MAP7: variants seen among roughly 807,000 people sequenced by gnomAD.
The protein encoded by MAP7 is ensconsin.
A neutral mutation model predicts 94.8 loss-of-function variants in MAP7; 52 were observed. The ratio of observed to expected loss-of-function variants is 0.55; its 90% CI spans 0.44 to 0.69. The LOEUF is 0.69. Among genes scored for constraint, MAP7 ranks in the 30% least tolerant of loss-of-function variants. The probability of loss-of-function intolerance (pLI) is 0.00; values close to 1 mark genes in which losing one functional copy is unlikely to be tolerated. For missense variants in MAP7, 940 were observed against 964.6 expected (o/e 0.97, Z 0.34); for synonymous variants, 350 against 357.0 (o/e 0.98, Z 0.22).
At chr6:136,420,358 G>A (rs1790916974) in intron 2 of MAP7, 4 of 631,466 alleles carry the variant, frequency 6.3e-6, no homozygotes, top group Non-Finnish European at 1.1e-5. Flanking sequence ...CGGCCGCGAA[G>A]TGGGCCATAA....
chr6:136,540,758 T>G (rs989871147), intron 1 of MAP7, among the ~76,000 whole-genome samples: 8 of 152,202 alleles, frequency 5.3e-5, no homozygotes, highest in African/African-American at 1.9e-4. Context: ...CAGCACTGAT[T>G]GCACACCAGA....
intron 3 of MAP7, among the ~76,000 whole-genome samples, chr6:136,394,598 T>C (rs1036973895): frequency 2.0e-5 from 3 of 152,008 alleles, no homozygotes; most frequent in African/African-American, 7.2e-5. Flanking sequence ...TCTTCTCTTA[T>C]AGATATATCA....
chr6:136,427,197 G>A (rs1793430882), intron 1 of MAP7, among the ~76,000 whole-genome samples: 1 of 152,184 alleles, frequency 6.6e-6, no homozygotes, highest in Admixed American at 6.5e-5. Context: ...AGCTCACGCA[G>A]CACTATATAG....
chr6:136,387,802 A>G (rs1779585465), intron 5 of MAP7, among the ~76,000 whole-genome samples: 1 of 152,252 alleles, frequency 6.6e-6, no homozygotes, highest in Admixed American at 6.5e-5. Context: ...CTGACACACT[A>G]TGTAAAATTC....
intron 1 of MAP7, among the ~76,000 whole-genome samples, chr6:136,519,028 C>T (rs1825665308): frequency 6.6e-6 from 1 of 152,152 alleles, no homozygotes; most frequent in African/African-American, 2.4e-5. Flanking sequence ...AATCATGTTC[C>T]TCTTGTACAC....
intron 1 of MAP7, among the ~76,000 whole-genome samples, chr6:136,443,079 T>C (rs1327047111): frequency 2.6e-5 from 4 of 152,212 alleles, no homozygotes; most frequent in Non-Finnish European, 5.9e-5. Flanking sequence ...CCTAGAATTA[T>C]ATGTGCTCCT....
intron 16 of MAP7, among the ~76,000 whole-genome samples, chr6:136,354,825 C>T (rs1459932238): frequency 1.3e-5 from 2 of 152,120 alleles, no homozygotes; most frequent in Admixed American, 6.6e-5. Flanking sequence ...AATTATTTTT[C>T]AGGTTCTTAT....
chr6:136,425,640 C>T (rs1792922979), intron 1 of MAP7, among the ~76,000 whole-genome samples: 1 of 152,004 alleles, frequency 6.6e-6, no homozygotes, highest in African/African-American at 2.4e-5. Context: ...ACACTCGAAT[C>T]ATAGGTATGA....
In MAP7 at chr6:136,343,092, A is replaced by G. The variant is rs1420595169; in HGVS notation, c.*1136T>C. The G allele has an allele frequency of 2.6e-5, 4 of 152,672 alleles. No homozygotes were observed. Among genetic ancestry groups the G allele is most frequent in the Admixed American group, 6.5e-5 (1 of 15,284 alleles). 9.5% of individuals were successfully genotyped at this position (152,672 alleles called of 1,614,324 possible). A position where few individuals can be genotyped will look rare whatever the true frequency, so the allele number is the denominator to read the frequency against. ...CATTTAATCATTAGTAGTCTCTAAA[A>G]TGGTAAAATAAAACTGAATTTATAT... On this transcript the variant is annotated 3_prime_UTR_variant, in exon 18 of 18. Transcript: ENST00000354570.
chr6:136,460,783 T>A (rs987978553), intron 1 of MAP7, among the ~76,000 whole-genome samples: 1 of 152,124 alleles, frequency 6.6e-6, no homozygotes, highest in African/African-American at 2.4e-5. Flanking sequence ...TGAAGCAACA[T>A]CCAAGGTGCA....
intron 4 of MAP7, 131 bp downstream of exon 4, chr6:136,389,223 C>A: frequency 7.3e-7 from 1 of 1,379,170 alleles, no homozygotes; most frequent in Admixed American, 2.8e-5. Context: ...GAAACTGTAG[C>A]CATCTGTAAA....
In MAP7 at chr6:136,343,372, GA is replaced by G. The variant is rs1786924065; in HGVS notation, c.*855del. ...ATAATTTGTGATCAGGTAAGGCAAA[GA>G]TAAGTCCACCATCACTGGGGACAGC... On this transcript the variant is annotated 3_prime_UTR_variant, in exon 18 of 18. Transcript: ENST00000354570. 1 of 152,574 alleles carries G rather than the reference GA, an allele frequency of 6.6e-6. No individual in the cohort carries two copies. Among genetic ancestry groups the G allele is most frequent in the Non-Finnish European group, 1.5e-5 (1 of 68,028 alleles). The allele number at this position is 152,574 out of a possible 1,614,324, so 9.5% of individuals were successfully genotyped here.
intron 3 of MAP7, 67 bp downstream of exon 3, chr6:136,411,553 G>A (rs906808151): frequency 3.0e-6 from 4 of 1,349,956 alleles, no homozygotes; most frequent in Non-Finnish European, 4.1e-6. Flanking sequence ...ATAAAGGTAT[G>A]CAAAAGACCA....
chr6:136,345,117 C>T (rs778559136), intron 17 of MAP7, among the ~76,000 whole-genome samples: 4 of 152,148 alleles, frequency 2.6e-5, no homozygotes, highest in African/African-American at 9.7e-5. Flanking sequence ...GATGGGATTG[C>T]GTTGCTGAGC....
intron 3 of MAP7, among the ~76,000 whole-genome samples, chr6:136,406,172 C>G (rs564132396): frequency 6.6e-6 from 1 of 152,188 alleles, no homozygotes; most frequent in East Asian, 1.9e-4. Flanking sequence ...TAACCAGGAT[C>G]GATTCTAAGT....
chr6:136,409,726 A>T (rs925061614), intron 3 of MAP7, among the ~76,000 whole-genome samples: 1 of 152,244 alleles, frequency 6.6e-6, no homozygotes, highest in African/African-American at 2.4e-5. Flanking sequence ...CAGTGGATGC[A>T]TTGCACTGTG....
At chr6:136,385,924 C>T (rs1185501475) in intron 5 of MAP7, among the ~76,000 whole-genome samples, 2 of 152,124 alleles carry the variant, frequency 1.3e-5, no homozygotes, top group African/African-American at 2.4e-5. Flanking sequence ...GCATGTGCCA[C>T]CATAGCCGGC....
intron 1 of MAP7, among the ~76,000 whole-genome samples, chr6:136,496,117 C>T (rs558513990): frequency 7.9e-5 from 12 of 151,636 alleles, no homozygotes; most frequent in Non-Finnish European, 1.6e-4. Flanking sequence ...TATGAATATA[C>T]TGGACCCATC....
intron 11 of MAP7, 88 bp from the exon 12 acceptor site, chr6:136,361,267 G>A (rs1792687648): frequency 7.3e-7 from 1 of 1,371,332 alleles, no homozygotes. Flanking sequence ...CTGTAGGGCG[G>A]TTCCTTTAGG....
Sources: allele counts gnomAD v4.1 joint callset (sites outside exome capture counted in the v4.1 genomes callset), GRCh38; gene constraint gnomAD v4.1.1; transcripts MANE v1.5; gene names NCBI Gene and HGNC (gene_info 2026-07-23, HGNC 2026-07-21).